CDH18: variants seen among roughly 807,000 people sequenced by gnomAD.
CDH18 encodes cadherin 18.
A neutral mutation model predicts 67.9 loss-of-function variants in CDH18; 31 were observed. That is an observed-to-expected ratio of 0.46 (90% confidence interval 0.34 to 0.62). The LOEUF is 0.62. CDH18 is among the 20% of genes least tolerant of loss of function. CDH18 has a pLI of 0.01. For synonymous variants in CDH18, 362 were observed against 347.2 expected (o/e 1.04, Z -0.48); for missense variants, 890 against 975.5 (o/e 0.91, Z 1.17).
chr5:19,639,622 TA>T (rs1373917603), intron 5 of CDH18, among the ~76,000 whole-genome samples: 1 of 152,188 alleles, frequency 6.6e-6, no homozygotes, highest in Non-Finnish European at 1.5e-5. Context: ...CAACTGCACC[TA>T]AAATACTGGT....
chr5:20,164,222 T>C (rs1305883754), intron 2 of CDH18, among the ~76,000 whole-genome samples: 1 of 152,218 alleles, frequency 6.6e-6, no homozygotes, highest in East Asian at 1.9e-4. Flanking sequence ...GACATTTTTC[T>C]TATTTGAAAA....
rs1190932874 is a variant in CDH18 at position 19,473,667 on chromosome 5, C to A, written c.1932G>T (p.Leu644Phe). Reference protein sequence around the residue: ...ITLRRSKKEPLIISEEDVREN... With the variant: ...ITLRRSKKEPFIISEEDVREN... ...CCCGTACATCCTCTTCTGAAATGAT[C>A]AAGGGCTCTTTTTTGCTGCGCCTCA... Residue 644 changes from leucine to phenylalanine, a missense_variant, in exon 13 of 13, where the codon TTG becomes TTT. By Grantham distance (22) the Leu-to-Phe change is conservative (BLOSUM62 0). Transcript: ENST00000382275. 6.2e-7 allele frequency: 1 copy of A among 1,613,448 alleles called. No homozygotes were observed. The highest frequency in any genetic ancestry group is 1.7e-5 in the Admixed American group (1 of 59,950).
At chr5:20,488,676 TATA>T (rs1561056236) in intron 1 of CDH18, among the ~76,000 whole-genome samples, 621 of 41,792 alleles carry the variant, frequency 0.015, 9 homozygotes, top group South Asian at 0.085. Flanking sequence ...TAGTGTTTTA[TATA>T]TATATATATA....
At chr5:20,092,760 T>A (rs1745552777) in intron 2 of CDH18, among the ~76,000 whole-genome samples, 1 of 152,142 alleles carries the variant, frequency 6.6e-6, no homozygotes, top group African/African-American at 2.4e-5. Context: ...GACCTCCCAA[T>A]GCACAGTATT....
At chr5:20,556,641 T>A (rs1056857874) in intron 1 of CDH18, among the ~76,000 whole-genome samples, 1 of 152,170 alleles carries the variant, frequency 6.6e-6, no homozygotes, top group Non-Finnish European at 1.5e-5. Context: ...TACAGACCTT[T>A]TTTATCATTA....
At chr5:20,136,217 G>T (rs1749702567) in intron 2 of CDH18, among the ~76,000 whole-genome samples, 1 of 152,260 alleles carries the variant, frequency 6.6e-6, no homozygotes, top group Admixed American at 6.5e-5. Context: ...TTATTATTGT[G>T]TGGGAGTCTA....
intron 2 of CDH18, among the ~76,000 whole-genome samples, chr5:20,072,898 T>C (rs1394745563): frequency 1.3e-5 from 2 of 151,988 alleles, no homozygotes; most frequent in African/African-American, 4.8e-5. Flanking sequence ...CGTATATTGT[T>C]ATGGTTGAAA....
At chr5:20,411,880 T>C (rs1352665231) in intron 1 of CDH18, among the ~76,000 whole-genome samples, 4 of 151,922 alleles carry the variant, frequency 2.6e-5, no homozygotes, top group African/African-American at 7.2e-5. Context: ...AAAAAAATCA[T>C]AGAAGACATA....
intron 1 of CDH18, among the ~76,000 whole-genome samples, chr5:20,551,897 T>C (rs576606250): frequency 4.6e-5 from 7 of 152,302 alleles, no homozygotes; most frequent in Non-Finnish European, 1.0e-4. Context: ...TCTATATCTC[T>C]TTAATCTGAG....
At chr5:19,845,692 G>A (rs1369388828) in intron 2 of CDH18, among the ~76,000 whole-genome samples, 2 of 151,052 alleles carry the variant, frequency 1.3e-5, no homozygotes, top group Non-Finnish European at 3.0e-5. Flanking sequence ...TCTGATGTTG[G>A]GTGCATATAT....
At chr5:20,129,015 A>G (rs1749052160) in intron 2 of CDH18, among the ~76,000 whole-genome samples, 1 of 152,040 alleles carries the variant, frequency 6.6e-6, no homozygotes, top group Non-Finnish European at 1.5e-5. Flanking sequence ...TACTCTTGAG[A>G]AATGAGAACA....
chr5:20,166,254 A>G (rs964922134), intron 2 of CDH18, among the ~76,000 whole-genome samples: 1 of 151,962 alleles, frequency 6.6e-6, no homozygotes, highest in Non-Finnish European at 1.5e-5. Context: ...CAGCCTGGCC[A>G]ACATGGTGAA....
intron 1 of CDH18, among the ~76,000 whole-genome samples, chr5:20,271,564 T>C (rs1465498427): frequency 1.3e-5 from 2 of 152,062 alleles, no homozygotes; most frequent in South Asian, 2.1e-4. Context: ...GATTACGTGT[T>C]AATTAAAAAC....
At chr5:19,483,585 T>C (rs754110562) in intron 11 of CDH18, 33 bp from the exon 12 acceptor site, 20 of 1,547,444 alleles carry the variant, frequency 1.3e-5, no homozygotes, top group Non-Finnish European at 1.7e-5. Context: ...AAAATACACT[T>C]AGTCAAGCCG....
chr5:20,451,398 T>C (rs1048889588), intron 1 of CDH18, among the ~76,000 whole-genome samples: 1 of 152,170 alleles, frequency 6.6e-6, no homozygotes, highest in African/African-American at 2.4e-5. Flanking sequence ...GAGTCCTTCT[T>C]AGAAATCTGG....
intron 10 of CDH18, among the ~76,000 whole-genome samples, chr5:19,514,905 T>G (rs1356328142): frequency 6.6e-6 from 1 of 152,116 alleles, no homozygotes; most frequent in Admixed American, 6.6e-5. Flanking sequence ...GGTGTTTTAG[T>G]CATGAAGTCC....
chr5:19,716,981 GA>G (rs1765419624), intron 5 of CDH18, among the ~76,000 whole-genome samples: 1 of 151,916 alleles, frequency 6.6e-6, no homozygotes, highest in Non-Finnish European at 1.5e-5. Context: ...CTGGGCATGT[GA>G]AAAAAACCCA....
At chr5:19,863,930 G>A (rs956361564) in intron 2 of CDH18, among the ~76,000 whole-genome samples, 1 of 151,848 alleles carries the variant, frequency 6.6e-6, no homozygotes, top group Admixed American at 6.6e-5. Context: ...ACTGTTGGTG[G>A]GACTGTAAAC....
At chr5:19,884,688 T>C (rs1201490658) in intron 2 of CDH18, among the ~76,000 whole-genome samples, 1 of 152,030 alleles carries the variant, frequency 6.6e-6, no homozygotes, top group Non-Finnish European at 1.5e-5. Context: ...GTAACAATCC[T>C]GTGTTTTTAA....
Sources: allele counts gnomAD v4.1 joint callset (sites outside exome capture counted in the v4.1 genomes callset), GRCh38; gene constraint gnomAD v4.1.1; transcripts MANE v1.5; gene names NCBI Gene and HGNC (gene_info 2026-07-23, HGNC 2026-07-21).